The following TSHZ3 variants were observed in gnomAD, a reference collection of about 807,000 sequenced individuals.
The protein encoded by TSHZ3 is teashirt zinc finger homeobox 3, also known as teashirt homolog 3.
TSHZ3 carries 10 observed loss-of-function variants against 64.5 expected under a neutral mutation model. That is an observed-to-expected ratio of 0.16 (90% CI 0.10 to 0.26). TSHZ3 has a LOEUF of 0.26. Ranked by LOEUF, TSHZ3 falls within the 10% of genes least tolerant of loss-of-function variation. The pLI is 1.00. For missense variants in TSHZ3, 1,242 were observed against 1,421.7 expected, an observed-to-expected ratio of 0.87 and a Z score of 2.03; for synonymous variants, 608 against 593.1, an observed-to-expected ratio of 1.03 and a Z score of -0.36.
chr19:31,306,649 C>T (rs1916307236), intron 1 of TSHZ3, among the ~76,000 whole-genome samples: 2 of 152,256 alleles, frequency 1.3e-5, no homozygotes, highest in Middle Eastern at 3.4e-3. Flanking sequence ...GCCATTGCCA[C>T]CATTACCTGC....
chr19:31,210,220 A>G (rs930447350), intron 4 of TSHZ3, among the ~76,000 whole-genome samples: 5 of 152,282 alleles, frequency 3.3e-5, no homozygotes, highest in Non-Finnish European at 7.4e-5. Context: ...ATAGAGGCAC[A>G]GGCCTGGGTT....
At chr19:31,322,468 T>A (rs1402992135) in intron 1 of TSHZ3, among the ~76,000 whole-genome samples, 4 of 152,076 alleles carry the variant, frequency 2.6e-5, no homozygotes, top group African/African-American at 9.7e-5. Flanking sequence ...ACATCCAGGC[T>A]GCAATGCAGT....
intron 1 of TSHZ3, among the ~76,000 whole-genome samples, chr19:31,292,615 A>G (rs1251781982): frequency 6.6e-6 from 1 of 152,134 alleles, no homozygotes; most frequent in Non-Finnish European, 1.5e-5. Flanking sequence ...TTCACTCAAC[A>G]CATCTACCCA....
At chr19:31,339,486 A>G (rs972488124) in intron 1 of TSHZ3, among the ~76,000 whole-genome samples, 1 of 152,044 alleles carries the variant, frequency 6.6e-6, no homozygotes, top group Non-Finnish European at 1.5e-5. Flanking sequence ...GCCACAGGGT[A>G]CAGTACCAAG....
At chr19:31,183,659 G>A (rs746583593) in intron 5 of TSHZ3, among the ~76,000 whole-genome samples, 15 of 152,250 alleles carry the variant, frequency 9.9e-5, no homozygotes, top group Non-Finnish European at 1.9e-4. Flanking sequence ...CTTGATCCAT[G>A]GGTTGCAATA....
At chr19:31,243,952 A>C (rs1258686905) in intron 1 of TSHZ3, among the ~76,000 whole-genome samples, 1 of 152,084 alleles carries the variant, frequency 6.6e-6, no homozygotes, top group Non-Finnish European at 1.5e-5. Flanking sequence ...TTTAAAGTAG[A>C]CTTGAGCTTT....
At chr19:31,244,852 C>A (rs1975739706) in intron 1 of TSHZ3, among the ~76,000 whole-genome samples, 1 of 152,146 alleles carries the variant, frequency 6.6e-6, no homozygotes, top group Non-Finnish European at 1.5e-5. Flanking sequence ...CCATTTTGCC[C>A]AGGCTGGTCT....
At chr19:31,263,453 C>G (rs902694233) in intron 1 of TSHZ3, among the ~76,000 whole-genome samples, 7 of 152,194 alleles carry the variant, frequency 4.6e-5, no homozygotes, top group Middle Eastern at 3.2e-3. Flanking sequence ...TGCCCCCCAG[C>G]AGCGAGCACG....
At chr19:31,249,425 G>T (rs1214507750) in intron 1 of TSHZ3, among the ~76,000 whole-genome samples, 1 of 152,150 alleles carries the variant, frequency 6.6e-6, no homozygotes, top group Admixed American at 6.5e-5. Context: ...CAGGCCAGCA[G>T]GTTCCCTGTC....
At chr19:31,342,343 T>C (rs931727668) in intron 1 of TSHZ3, among the ~76,000 whole-genome samples, 2 of 152,202 alleles carry the variant, frequency 1.3e-5, no homozygotes, top group Admixed American at 6.5e-5. Flanking sequence ...TCTCTTAAAA[T>C]TGAACTCATG....
intron 1 of TSHZ3, among the ~76,000 whole-genome samples, chr19:31,258,890 T>C (rs1424765518): frequency 6.6e-6 from 1 of 152,182 alleles, no homozygotes; most frequent in Admixed American, 6.5e-5. Context: ...CTAGGCACCA[T>C]CACAGCCATT....
intron 3 of TSHZ3, among the ~76,000 whole-genome samples, chr19:31,235,426 AAGTG>A (rs1975594401): frequency 6.6e-6 from 1 of 151,942 alleles, no homozygotes; most frequent in East Asian, 1.9e-4. Context: ...TTCCACATAT[AAGTG>A]AGATCATGCA....
intron 1 of TSHZ3, among the ~76,000 whole-genome samples, chr19:31,292,296 A>T (rs1317176038): frequency 1.3e-5 from 2 of 152,176 alleles, no homozygotes; most frequent in Non-Finnish European, 2.9e-5. Flanking sequence ...CTCAGGGGGT[A>T]GCTGATGTCT....
chr19:31,231,303 C>G (rs1235739990), intron 3 of TSHZ3, among the ~76,000 whole-genome samples: 1 of 152,048 alleles, frequency 6.6e-6, no homozygotes, highest in African/African-American at 2.4e-5. Flanking sequence ...CTCAGGAGGC[C>G]GAGCGGAATT....
At chr19:31,336,322 T>C (rs755661166) in intron 1 of TSHZ3, among the ~76,000 whole-genome samples, 7 of 152,202 alleles carry the variant, frequency 4.6e-5, no homozygotes, top group Non-Finnish European at 7.3e-5. Flanking sequence ...AGAATGGTCT[T>C]TAAACCATGA....
Position 31,219,861 on chromosome 19 carries a change from G to C in TSHZ3, n.686+8144C>G, listed in dbSNP as rs181006707. Among the ~76,000 whole-genome samples the C allele has an allele frequency of 2.7e-3, 410 of 150,216 alleles. 3 individuals are homozygous for C. Among genetic ancestry groups the C allele is most frequent in the African/African-American group, 9.5e-3 (392 of 41,104 alleles). On this transcript the variant is annotated intron_variant and non_coding_transcript_variant, in intron 4 of 6. Coordinates refer to the TSHZ3 transcript ENST00000651361. The stretch of plus-strand genomic sequence containing the variant: ...TCAAAATGTATACTGAATATATCTG[G>C]AATGTGTATAAGTATATAATTGAAT...
intron 6 of TSHZ3, among the ~76,000 whole-genome samples, chr19:31,152,147 G>GA (rs544295252): frequency 1.3e-5 from 2 of 151,424 alleles, no homozygotes; most frequent in Non-Finnish European, 2.9e-5. Flanking sequence ...AAAAAGAAAA[G>GA]AAAAAAAATC....
chr19:31,154,951 A>G (rs1208091218), intron 6 of TSHZ3, among the ~76,000 whole-genome samples: 1 of 152,222 alleles, frequency 6.6e-6, no homozygotes, highest in Non-Finnish European at 1.5e-5. Context: ...GTGGTGTCCC[A>G]ACTTCACAGG....
chr19:31,214,011 G>A (rs2145162033), intron 4 of TSHZ3, among the ~76,000 whole-genome samples: 1 of 152,332 alleles, frequency 6.6e-6, no homozygotes, highest in Non-Finnish European at 1.5e-5. Context: ...TCGTTAACTT[G>A]TGCTGAGTGT....
Sources: allele counts gnomAD v4.1 joint callset (sites outside exome capture counted in the v4.1 genomes callset), GRCh38; gene constraint gnomAD v4.1.1; transcripts MANE v1.5; gene names NCBI Gene and HGNC (gene_info 2026-07-23, HGNC 2026-07-21).